SCAPER: variants seen among roughly 807,000 people sequenced by gnomAD.
The protein encoded by SCAPER is S-phase cyclin A associated protein in the ER.
Under a neutral mutation model 182.2 loss-of-function variants are expected in SCAPER, and 98 were observed. The observed-to-expected ratio is 0.54, with a 90% CI of 0.46 to 0.64. The LOEUF (loss-of-function observed/expected upper bound fraction) is 0.64. SCAPER is among the 30% of genes least tolerant of loss of function. The probability of loss-of-function intolerance (pLI) is 0.00; values close to 1 mark genes in which losing one functional copy is unlikely to be tolerated. For synonymous variants in SCAPER, 605 were observed against 564.6 expected (o/e 1.07, Z -1.01); for missense variants, 1,432 against 1,690.0 (o/e 0.85, Z 2.68).
chr15:76,485,423 TAGAA>T (rs1378402999), intron 24 of SCAPER, among the ~76,000 whole-genome samples: 1 of 152,168 alleles, frequency 6.6e-6, no homozygotes. Flanking sequence ...TGCTTATGGA[TAGAA>T]AGACTCAATA....
At chr15:76,687,518 C>T (rs180849756) in intron 20 of SCAPER, among the ~76,000 whole-genome samples, 6 of 152,242 alleles carry the variant, frequency 3.9e-5, no homozygotes, top group Admixed American at 2.6e-4. Context: ...GGTATACACA[C>T]GCCATGGTGG....
At chr15:76,806,608 T>C (rs1400899740) in intron 5 of SCAPER, among the ~76,000 whole-genome samples, 1 of 152,220 alleles carries the variant, frequency 6.6e-6, no homozygotes, top group Non-Finnish European at 1.5e-5. Context: ...TTCATAGGTA[T>C]TGCATTGAAT....
intron 5 of SCAPER, among the ~76,000 whole-genome samples, chr15:76,812,327 C>CA (rs2066688041): frequency 6.7e-6 from 1 of 148,450 alleles, no homozygotes; most frequent in Non-Finnish European, 1.5e-5. Flanking sequence ...AAAAAAAAAA[C>CA]AAAAAACAAA....
intron 23 of SCAPER, among the ~76,000 whole-genome samples, chr15:76,506,037 A>G (rs192886254): frequency 5.2e-4 from 79 of 152,270 alleles, no homozygotes; most frequent in Non-Finnish European, 9.4e-4. Flanking sequence ...TGTGGGAGCT[A>G]AGCATTAAAA....
At chr15:76,667,829 T>A (rs1459604292) in intron 20 of SCAPER, among the ~76,000 whole-genome samples, 1 of 151,162 alleles carries the variant, frequency 6.6e-6, no homozygotes, top group East Asian at 2.0e-4. Flanking sequence ...GGTATATGCC[T>A]GTACATACCT....
chr15:76,825,488 C>G (rs1456891659), intron 5 of SCAPER, among the ~76,000 whole-genome samples: 1 of 152,150 alleles, frequency 6.6e-6, no homozygotes, highest in African/African-American at 2.4e-5. Context: ...CTTTCTCTTT[C>G]AAACCATATT....
chr15:76,704,148 G>C lies in SCAPER; in HGVS notation c.2248-1146C>G, dbSNP rs560337736. On this transcript the variant is annotated intron_variant, in intron 18 of 31. Coordinates refer to ENST00000563290, the MANE Select transcript of SCAPER (RefSeq NM_020843.4). Reference sequence around the variant, plus strand: ...GAAACATCTTTTACTTTACTTTTGAGTGATTAAAACCTATGAATATAAGAA... The same window carrying C: ...GAAACATCTTTTACTTTACTTTTGACTGATTAAAACCTATGAATATAAGAA... 2.0e-5 allele frequency among the ~76,000 whole-genome samples: 3 copies of C among 152,212 alleles called. No homozygotes were observed. The East Asian group carries it at 5.8e-4, about 29-fold the overall frequency.
chr15:76,368,483 G>A (rs75438376), intron 29 of SCAPER, among the ~76,000 whole-genome samples: 4,925 of 152,342 alleles, frequency 0.032, 120 homozygotes, highest in Non-Finnish European at 0.048. Flanking sequence ...TTACAAGAGA[G>A]CTGGAAAATG....
intron 24 of SCAPER, among the ~76,000 whole-genome samples, chr15:76,500,265 A>C (rs2040980801): frequency 6.6e-6 from 1 of 152,226 alleles, no homozygotes; most frequent in Admixed American, 6.5e-5. Context: ...GGGACGATGA[A>C]GAGATAAGCA....
chr15:76,495,292 T>C (rs1389218457), intron 24 of SCAPER, among the ~76,000 whole-genome samples: 2 of 151,990 alleles, frequency 1.3e-5, no homozygotes, highest in African/African-American at 2.4e-5. Context: ...TAAGAGATGA[T>C]GCAGACCAGG....
At chr15:76,708,662 T>G (rs564858895) in intron 17 of SCAPER, among the ~76,000 whole-genome samples, 1 of 151,814 alleles carries the variant, frequency 6.6e-6, no homozygotes, top group Non-Finnish European at 1.5e-5. Context: ...AAACACAACA[T>G]AGAAATGCAA....
intron 25 of SCAPER, among the ~76,000 whole-genome samples, chr15:76,443,810 C>T (rs2047791593): frequency 1.3e-5 from 2 of 152,190 alleles, no homozygotes; most frequent in Non-Finnish European, 2.9e-5. Context: ...GATCCTGAAG[C>T]ACTTCTTGGA....
intron 22 of SCAPER, among the ~76,000 whole-genome samples, chr15:76,585,037 G>T (rs566869124): frequency 6.6e-6 from 1 of 152,156 alleles, no homozygotes; most frequent in Non-Finnish European, 1.5e-5. Context: ...ATAAGTCAAA[G>T]AACAGAAATA....
intron 29 of SCAPER, among the ~76,000 whole-genome samples, chr15:76,368,534 C>T (rs1401117509): frequency 6.6e-6 from 1 of 152,202 alleles, no homozygotes; most frequent in South Asian, 2.1e-4. Flanking sequence ...TCACGAGCTT[C>T]GCTGTCCAAC....
chr15:76,654,965 G>C (rs376847142), intron 21 of SCAPER, among the ~76,000 whole-genome samples: 9 of 152,240 alleles, frequency 5.9e-5, no homozygotes, highest in South Asian at 2.1e-4. Context: ...AAGAACTAGT[G>C]CAAGAACTAC....
At chr15:76,537,911 GA>G (rs886491238) in intron 23 of SCAPER, among the ~76,000 whole-genome samples, 4 of 152,026 alleles carry the variant, frequency 2.6e-5, no homozygotes, top group African/African-American at 9.7e-5. Context: ...CAAAGGATAT[GA>G]ACAGACACTT....
chr15:76,818,623 A>T (rs3099141), intron 5 of SCAPER, among the ~76,000 whole-genome samples: 1 of 148,598 alleles, frequency 6.7e-6, no homozygotes. Context: ...CAAGATGGCC[A>T]AATAGGAACA....
chr15:76,453,787 G>C (rs17363713), intron 25 of SCAPER, among the ~76,000 whole-genome samples: 60,497 of 151,988 alleles, frequency 0.4, 14,315 homozygotes, highest in Middle Eastern at 0.55. Context: ...TTGGGAGATG[G>C]GTATGGCATA....
intron 20 of SCAPER, among the ~76,000 whole-genome samples, chr15:76,683,350 A>G (rs2057842358): frequency 3.3e-5 from 5 of 152,200 alleles, no homozygotes. Flanking sequence ...GTCAAACAAA[A>G]TAAAGAAAAA....
Sources: allele counts gnomAD v4.1 joint callset (sites outside exome capture counted in the v4.1 genomes callset), GRCh38; gene constraint gnomAD v4.1.1; transcripts MANE v1.5; gene names NCBI Gene and HGNC (gene_info 2026-07-23, HGNC 2026-07-21).